Variants in GPAT4 observed in about 807,000 individuals in gnomAD.
The protein encoded by GPAT4 is 1-AGP acyltransferase 6.
A neutral mutation model predicts 58.0 loss-of-function variants in GPAT4; 17 were observed. That is an observed-to-expected ratio of 0.29 (90% CI 0.20 to 0.44). The LOEUF is 0.44. Among genes scored for constraint, GPAT4 ranks in the 20% least tolerant of loss-of-function variants. The probability of loss-of-function intolerance (pLI) is 1.00; values close to 1 mark genes in which losing one functional copy is unlikely to be tolerated. For missense variants in GPAT4, 377 were observed against 574.5 expected (o/e 0.66, Z 3.51); for synonymous variants, 204 against 210.1 (o/e 0.97, Z 0.25).
chr8:41,610,458 G>C (rs1186162236), intron 4 of GPAT4: 2 of 1,308,694 alleles, frequency 1.5e-6, no homozygotes, highest in Non-Finnish European at 2.0e-6. Flanking sequence ...CCCTGTGGCA[G>C]AATGGCCAGC....
At chr8:41,618,262 C>T (rs911753994) in intron 10 of GPAT4, among the ~76,000 whole-genome samples, 1 of 152,080 alleles carries the variant, frequency 6.6e-6, no homozygotes, top group African/African-American at 2.4e-5. Flanking sequence ...AGATGAATGA[C>T]AGGATGCTGA....
chr8:41,613,451 A>G (rs1429570317), intron 8 of GPAT4, among the ~76,000 whole-genome samples: 2 of 152,088 alleles, frequency 1.3e-5, no homozygotes, highest in Non-Finnish European at 2.9e-5. Context: ...ACCTTTTTTT[A>G]ATTCATTGTA....
At chr8:41,599,849 G>A (rs1042127950) in intron 2 of GPAT4, among the ~76,000 whole-genome samples, 4 of 152,158 alleles carry the variant, frequency 2.6e-5, no homozygotes, top group Non-Finnish European at 5.9e-5. Context: ...AAATAGGTGA[G>A]AAGTGATGTT....
chr8:41,595,325 C>CTTTTTTT (rs61465079), intron 1 of GPAT4, among the ~76,000 whole-genome samples: 6 of 73,844 alleles, frequency 8.1e-5, no homozygotes, highest in East Asian at 3.9e-4. Flanking sequence ...TTAAATCTTC[C>CTTTTTTT]TTTTTTTTTT....
At chr8:41,608,194 G>A (rs978283081) in intron 2 of GPAT4, among the ~76,000 whole-genome samples, 1 of 152,222 alleles carries the variant, frequency 6.6e-6, no homozygotes, top group African/African-American at 2.4e-5. Flanking sequence ...GAGATTTCCA[G>A]ATGAGGTCAG....
At position 41,610,734 on chromosome 8, in the gene GPAT4, A is replaced by T. The variant is rs1803417441; in HGVS notation, c.537-2A>T. 1 of 1,605,506 alleles carries T rather than the reference A, an allele frequency of 6.2e-7. No homozygotes were observed. The highest frequency in any genetic ancestry group is 8.5e-7 in the Non-Finnish European group (1 of 1,175,860). On this transcript the variant is annotated splice_acceptor_variant, in intron 4 of 12. Transcript: ENST00000396987. LOFTEE classifies it high-confidence loss of function. ...GTGCTCTAACTTTTCTTCTTCTTAC[A>T]GGATAGCACTGGCTTTCACAGGGAT...
intron 10 of GPAT4, chr8:41,618,412 A>T (rs1217919809): frequency 4.0e-6 from 2 of 503,126 alleles, no homozygotes; most frequent in African/African-American, 3.8e-5. Context: ...CCTGAAACTA[A>T]TCAAGGAGGG....
chr8:41,579,541 T>G (rs1164132158), intron 1 of GPAT4, among the ~76,000 whole-genome samples: 1 of 152,054 alleles, frequency 6.6e-6, no homozygotes, highest in Non-Finnish European at 1.5e-5. Flanking sequence ...TAGAACAGGT[T>G]AAAAGAAAAA....
At chr8:41,578,493 C>G (rs987354974) in intron 1 of GPAT4, 1 of 152,080 alleles carries the variant, frequency 6.6e-6, no homozygotes, top group Non-Finnish European at 1.5e-5. Context: ...ACGGTCCGCG[C>G]CCGCCCCGAA....
rs145171978 is a variant in GPAT4 at position 41,599,351 on chromosome 8, G to A, written c.165+47G>A. On this transcript the variant is annotated intron_variant, in intron 2 of 12. Coordinates refer to ENST00000396987, the MANE Select transcript of GPAT4 (RefSeq NM_178819.4). ...GGTTGCTTCACAGAGGAGGGTAGAA[G>A]TGCATTTAGCAAAAAGTTATTCTTA... 321 of 1,593,868 alleles carry A rather than the reference G, an allele frequency of 2.0e-4. No individual in the cohort carries two copies. The African/African-American group carries it at 3.7e-3, about 19-fold the overall frequency.
chr8:41,580,775 CA>C (rs1453175552), intron 1 of GPAT4, among the ~76,000 whole-genome samples: 1 of 152,174 alleles, frequency 6.6e-6, no homozygotes, highest in Non-Finnish European at 1.5e-5. Context: ...ATTTGAGTGT[CA>C]TGGTAAATCA....
chr8:41,582,604 C>A (rs1280745193), intron 1 of GPAT4, among the ~76,000 whole-genome samples: 1 of 151,544 alleles, frequency 6.6e-6, no homozygotes, highest in South Asian at 2.1e-4. Context: ...TATAATAATG[C>A]TTTTTTAAAA....
chr8:41,585,740 GATTCCCTGT>G, intron 1 of GPAT4, among the ~76,000 whole-genome samples: 1 of 152,326 alleles, frequency 6.6e-6, no homozygotes, highest in South Asian at 2.1e-4. Context: ...TAGCTTGTCT[GATTCCCTGT>G]ATGTTTGGCC....
rs1460211123 is a variant in GPAT4, at chr8:41,612,923, C to T, written c.874C>T (p.Arg292Cys). The change falls in exon 8 of 13, where the codon CGC becomes TGC. Residue 292 changes from arginine to cysteine, a missense_variant. By Grantham distance (180) the Arg-to-Cys change is radical (BLOSUM62 -3). Transcript: ENST00000396987. The stretch of plus-strand genomic sequence containing the variant: ...GGCCTGCCCACACGTCTGGTTTGAG[C>T]GCTCGGAAGTGAAGGATCGCCACCT... ...VKACPHVWFE[R>C]SEVKDRHLVA... 2 of 1,614,050 alleles carry T rather than the reference C, an allele frequency of 1.2e-6. No individual in the cohort carries two copies. The highest frequency in any genetic ancestry group is 2.2e-5 in the East Asian group (1 of 44,870).
chr8:41,588,442 A>AGTTCT (rs57409442), intron 1 of GPAT4, among the ~76,000 whole-genome samples: 66,709 of 151,212 alleles, frequency 0.44, 14,830 homozygotes, highest in Middle Eastern at 0.52. Flanking sequence ...ATTTAAATTA[A>AGTTCT]GTTCTGTTCT....
chr8:41,580,538 A>C (rs1433209219), intron 1 of GPAT4, among the ~76,000 whole-genome samples: 1 of 152,122 alleles, frequency 6.6e-6, no homozygotes, highest in Non-Finnish European at 1.5e-5. Flanking sequence ...TTATTCCTCA[A>C]TTTTCCTACC....
intron 8 of GPAT4, among the ~76,000 whole-genome samples, chr8:41,613,875 C>T (rs562682232): frequency 2.0e-5 from 3 of 152,008 alleles, no homozygotes; most frequent in Non-Finnish European, 4.4e-5. Flanking sequence ...ATGATTGCAC[C>T]ACCGCATTCC....
In GPAT4 at chr8:41,588,473, C is replaced by T. The variant is rs377136914; in HGVS notation, c.-848-9819C>T. ...GTTCTGTTCTGTTCTTTTTTCTTTT[C>T]CTTTTCCTTTTCCCTTTCCTTTTCT... On this transcript the variant is annotated intron_variant, in intron 1 of 12. Coordinates refer to ENST00000396987, the MANE Select transcript of GPAT4 (RefSeq NM_178819.4). Among the ~76,000 whole-genome samples the T allele has an allele frequency of 1.3e-4, 20 of 151,888 alleles. No individual in the cohort carries two copies. In the East Asian group the frequency reaches 2.3e-3, roughly 18 times the overall value.
chr8:41,592,682 T>G (rs1802819646), intron 1 of GPAT4, among the ~76,000 whole-genome samples: 1 of 152,124 alleles, frequency 6.6e-6, no homozygotes, highest in Admixed American at 6.5e-5. Flanking sequence ...GCAAAAACAT[T>G]TCATGTTTTT....
Sources: gnomAD v4.1 joint callset for allele counts (sites outside exome capture counted in the v4.1 genomes callset) on GRCh38, gnomAD v4.1.1 for gene constraint, MANE v1.5 for transcripts, NCBI Gene and HGNC (gene_info 2026-07-23, HGNC 2026-07-21) for gene names.